Variants in OSBPL5 observed in about 807,000 individuals in gnomAD.
OSBPL5 encodes the protein oxysterol-binding protein-related protein 5.
OSBPL5 carries 71 observed loss-of-function variants against 111.2 expected under a neutral mutation model. The ratio of observed to expected loss-of-function variants is 0.64; its 90% CI spans 0.53 to 0.78. The LOEUF is 0.78. Ranked by LOEUF, OSBPL5 falls within the 30% of genes least tolerant of loss-of-function variation. The pLI is 0.00. For missense variants in OSBPL5, 1,210 were observed against 1,189.3 expected (o/e 1.02, Z -0.26); for synonymous variants, 549 against 513.9 (o/e 1.07, Z -0.93).
At chr11:3,093,704 T>C (rs779174220) in intron 16 of OSBPL5, 41 bp from the exon 17 acceptor site, 4 of 1,612,550 alleles carry the variant, frequency 2.5e-6, no homozygotes, top group East Asian at 4.5e-5. Flanking sequence ...TGGCCTGGCG[T>C]TGACCGCCCG....
rs1858423811 is a variant in OSBPL5, at chr11:3,121,704, G to A, written c.402+293C>T. 1 of 439,702 alleles carries A rather than the reference G, an allele frequency of 2.3e-6. No homozygotes were observed. The highest frequency in any genetic ancestry group is 2.6e-5 in the South Asian group (1 of 38,006). The allele number at this position is 439,702 out of a possible 1,614,324, so 27.2% of individuals were successfully genotyped here. ...CCCTCCCCAGCGCCCTCCGCCCACTGGCCAGGCCCCACCTTATTCGGAAAT... is the reference window on the plus strand; with the variant it reads ...CCCTCCCCAGCGCCCTCCGCCCACTAGCCAGGCCCCACCTTATTCGGAAAT... On this transcript the variant is annotated intron_variant, in intron 5 of 21. Coordinates refer to ENST00000263650, the MANE Select transcript of OSBPL5 (RefSeq NM_020896.4). The surrounding 1 kb of genome is among the most constrained non-coding windows in gnomAD (Gnocchi z 4.3).
At chr11:3,149,900 CCTGA>C (rs1846515686) in intron 1 of OSBPL5, among the ~76,000 whole-genome samples, 1 of 152,198 alleles carries the variant, frequency 6.6e-6, no homozygotes, top group Non-Finnish European at 1.5e-5. Flanking sequence ...CCTCTTTCAT[CCTGA>C]CTGCTCACCA....
Position 3,110,745 on chromosome 11 carries a change from A to G in OSBPL5, c.692-2800T>C, listed in dbSNP as rs1037983911. The stretch of plus-strand genomic sequence containing the variant: ...ATCAGAAACTCAAAAAAATGCAACC[A>G]TCTTTCTCTTATCTACCTATGACCT... On this transcript the variant is annotated intron_variant, in intron 7 of 21. Transcript: ENST00000263650. The surrounding 1 kb of genome is among the most constrained non-coding windows in gnomAD (Gnocchi z 5.3). Among the ~76,000 whole-genome samples, 1 of 152,034 alleles carries G rather than the reference A, an allele frequency of 6.6e-6. No individual in the cohort carries two copies. The highest frequency in any genetic ancestry group is 1.5e-5 in the Non-Finnish European group (1 of 68,008).
At chr11:3,103,743 C>T (rs1259657382) in intron 10 of OSBPL5, among the ~76,000 whole-genome samples, 115 of 51,012 alleles carry the variant, frequency 2.3e-3, no homozygotes, top group Middle Eastern at 0.02. Context: ...CCTGCCTCTG[C>T]AACCCTCTTC....
chr11:3,123,266 G>C (rs1436261248), intron 3 of OSBPL5, among the ~76,000 whole-genome samples: 1 of 152,230 alleles, frequency 6.6e-6, no homozygotes, highest in Non-Finnish European at 1.5e-5. Context: ...CTGCAGGCTG[G>C]GGACAGCAAG....
At chr11:3,120,828 C>T (rs983615682) in intron 5 of OSBPL5, among the ~76,000 whole-genome samples, 4 of 152,202 alleles carry the variant, frequency 2.6e-5, no homozygotes, top group East Asian at 1.9e-4. Flanking sequence ...ATCGTGTACC[C>T]GAGCAGGGGC....
intron 4 of OSBPL5, 21 bp from the exon 5 acceptor site, chr11:3,122,119 G>T: frequency 6.5e-7 from 1 of 1,545,392 alleles, no homozygotes. Context: ...GGCACCCGCG[G>T]TGGGTCATGG....
At chr11:3,108,145 C>A (rs1857778580) in intron 7 of OSBPL5, among the ~76,000 whole-genome samples, 200 bp from the exon 8 acceptor site, 1 of 152,162 alleles carries the variant, frequency 6.6e-6, no homozygotes, top group Non-Finnish European at 1.5e-5. Context: ...TGTGTGGGGG[C>A]AGACATCGGG....
Position 3,122,331 on chromosome 11 carries a change from C to T in OSBPL5, c.300+17G>A, listed in dbSNP as rs1355328866. 1 of 1,610,500 alleles carries T rather than the reference C, an allele frequency of 6.2e-7. No homozygotes were observed. The highest frequency in any genetic ancestry group is 8.5e-7 in the Non-Finnish European group (1 of 1,178,466). ...CTGACAGTGACACTGCTGCACCCTC[C>T]CCGGGCCCGGGCTCACCTTGAGAGT... is the stretch of plus-strand genomic sequence containing the variant. On this transcript the variant is annotated intron_variant, in intron 4 of 21. Coordinates refer to ENST00000263650, the MANE Select transcript of OSBPL5 (RefSeq NM_020896.4).
At chr11:3,096,185 C>T (rs977382128) in intron 14 of OSBPL5, among the ~76,000 whole-genome samples, 4 of 152,310 alleles carry the variant, frequency 2.6e-5, no homozygotes, top group South Asian at 2.1e-4. Flanking sequence ...CCCAGCCAAA[C>T]GGCCAACTGT....
chr11:3,103,323 G>C lies in OSBPL5; in HGVS notation c.1245-3C>G, dbSNP rs1168914321. The C allele has an allele frequency of 6.2e-7, 1 of 1,602,918 alleles. No homozygotes were observed. Among genetic ancestry groups the C allele is most frequent in the Non-Finnish European group, 8.5e-7 (1 of 1,174,474 alleles). On this transcript the variant is annotated splice_polypyrimidine_tract_variant and splice_region_variant and intron_variant, in intron 10 of 21. Coordinates refer to ENST00000263650, the MANE Select transcript of OSBPL5 (RefSeq NM_020896.4). ...AGGCATCCTCCTCCACCGCAGCCCTGCCATGGGGCAGGAGAACGCTGACCC... is the reference window on the plus strand; with the variant it reads ...AGGCATCCTCCTCCACCGCAGCCCTCCCATGGGGCAGGAGAACGCTGACCC...
Position 3,097,286 on chromosome 11 carries a change from C to T in OSBPL5, c.1621+2872G>A, listed in dbSNP as rs528061070. Among the ~76,000 whole-genome samples, 56 of 152,068 alleles carry T rather than the reference C, an allele frequency of 3.7e-4. No homozygotes were observed. The South Asian group carries it at 0.011, about 29-fold the overall frequency. On this transcript the variant is annotated intron_variant, in intron 14 of 21. Coordinates refer to ENST00000263650, the MANE Select transcript of OSBPL5 (RefSeq NM_020896.4). ...TTTTTTCCGAGACATTTCCACTAAG[C>T]AGGCACTCTCACATGGCTACACCCT...
At chr11:3,090,484 TC>T in intron 20 of OSBPL5, 73 bp downstream of exon 20, 1 of 1,554,656 alleles carries the variant, frequency 6.4e-7, no homozygotes. Context: ...TTCTCTGGCC[TC>T]CCCTCCAGCC....
At chr11:3,091,882 G>C (rs941820375) in intron 19 of OSBPL5, among the ~76,000 whole-genome samples, 6 of 152,176 alleles carry the variant, frequency 3.9e-5, no homozygotes, top group Non-Finnish European at 1.5e-5. Context: ...TGCACCCTCT[G>C]CACGCAGTAG....
chr11:3,143,415 A>T (rs1846209625), intron 1 of OSBPL5, among the ~76,000 whole-genome samples: 1 of 152,228 alleles, frequency 6.6e-6, no homozygotes, highest in South Asian at 2.1e-4. Context: ...CGCTCCCAGC[A>T]GCATGGCTCA....
chr11:3,104,467 G>A lies in OSBPL5; in HGVS notation c.1060-90C>T, dbSNP rs553962256. On this transcript the variant is annotated intron_variant, in intron 9 of 21. Coordinates refer to ENST00000263650, the MANE Select transcript of OSBPL5 (RefSeq NM_020896.4). This position sits in a 1 kb window ranked among gnomAD's most constrained non-coding sequence, Gnocchi z 5.0. ...GTGGCAGCTCTGGCTGGAGGAGGCT[G>A]TACCTGCCACCCCTTAGGGTGTAAA... 3.1e-4 allele frequency: 440 copies of A among 1,418,452 alleles called. 1 individual carries two copies. The highest frequency in any genetic ancestry group is 2.0e-3 in the Middle Eastern group (10 of 4,952). 87.9% of individuals were successfully genotyped at this position (1,418,452 alleles called of 1,614,324 possible). A position where few individuals can be genotyped will look rare whatever the true frequency, so the allele number is the denominator to read the frequency against.
At chr11:3,100,750 C>T (rs1857425558) in intron 13 of OSBPL5, among the ~76,000 whole-genome samples, 1 of 152,146 alleles carries the variant, frequency 6.6e-6, no homozygotes, top group East Asian at 1.9e-4. Flanking sequence ...GCAACAGGCG[C>T]ACACCTGCCC....
chr11:3,137,569 T>G (rs1321661165), intron 1 of OSBPL5, among the ~76,000 whole-genome samples: 1 of 152,046 alleles, frequency 6.6e-6, no homozygotes, highest in Non-Finnish European at 1.5e-5. Context: ...TCCCAACACT[T>G]TGGGAGCCTG....
intron 1 of OSBPL5, among the ~76,000 whole-genome samples, chr11:3,155,409 G>T (rs1846723000): frequency 6.6e-6 from 1 of 152,078 alleles, no homozygotes; most frequent in Non-Finnish European, 1.5e-5. Flanking sequence ...CACCGAGGGG[G>T]GATGGGTGCC....
Sources: allele counts gnomAD v4.1 joint callset (sites outside exome capture counted in the v4.1 genomes callset), GRCh38; gene constraint gnomAD v4.1.1; non-coding constraint Gnocchi (gnomAD v3.1); transcripts MANE v1.5; gene names NCBI Gene and HGNC (gene_info 2026-07-23, HGNC 2026-07-21).